Variants in HYAL4 observed in about 807,000 individuals in gnomAD.
The protein encoded by HYAL4 is hyaluronidase 4.
A neutral mutation model predicts 35.2 loss-of-function variants in HYAL4; 37 were observed. The ratio of observed to expected loss-of-function variants is 1.05; its 90% CI spans 0.81 to 1.38. HYAL4 has a LOEUF of 1.38. Ranked by LOEUF, HYAL4 falls within the 40% of genes most tolerant of loss-of-function variation. HYAL4 has a pLI of 0.00. For missense variants in HYAL4, 572 were observed against 572.4 expected, an observed-to-expected ratio of 1.00 and a Z score of 0.01; for synonymous variants, 198 against 203.2, an observed-to-expected ratio of 0.97 and a Z score of 0.22.
chr7:123,779,861 C>G, the HYAL4 span, among the ~76,000 whole-genome samples: 1 of 151,964 alleles, frequency 6.6e-6, no homozygotes, highest in Admixed American at 6.6e-5. Flanking sequence ...TACTCATTAT[C>G]TATTTATTTG....
At chr7:123,778,321 C>T in the HYAL4 span, among the ~76,000 whole-genome samples, 1 of 152,094 alleles carries the variant, frequency 6.6e-6, no homozygotes, top group Admixed American at 6.6e-5. Flanking sequence ...ATAAAACGAT[C>T]AATTTCATGA....
the HYAL4 span, among the ~76,000 whole-genome samples, chr7:123,765,843 A>C: frequency 6.6e-6 from 1 of 152,128 alleles, no homozygotes; most frequent in Non-Finnish European, 1.5e-5. Flanking sequence ...CTTCCTTAGT[A>C]AGAGAAACCA....
intron 2 of HYAL4, among the ~76,000 whole-genome samples, chr7:123,852,876 A>C (rs1015318696): frequency 1.2e-4 from 19 of 152,136 alleles, no homozygotes; most frequent in African/African-American, 4.6e-4. Flanking sequence ...CAAGCATGGA[A>C]TATTTTTCCA....
chr7:123,788,626 A>G, the HYAL4 span, among the ~76,000 whole-genome samples: 1 of 152,248 alleles, frequency 6.6e-6, no homozygotes, highest in Non-Finnish European at 1.5e-5. Flanking sequence ...TGAAAAGTAC[A>G]CACTGTTCAT....
chr7:123,851,178 T>G (rs924303426), intron 2 of HYAL4, among the ~76,000 whole-genome samples: 1 of 152,230 alleles, frequency 6.6e-6, no homozygotes, highest in Non-Finnish European at 1.5e-5. Context: ...AACAAATTAT[T>G]TAATGATCTT....
upstream of HYAL4, among the ~76,000 whole-genome samples, chr7:123,826,821 T>A (rs1006661580): frequency 6.6e-6 from 1 of 151,874 alleles, no homozygotes; most frequent in African/African-American, 2.4e-5. Context: ...GTAGCAAGGG[T>A]TGAATTCTGG....
the HYAL4 span, among the ~76,000 whole-genome samples, chr7:123,799,797 T>C: frequency 6.6e-6 from 1 of 152,216 alleles, no homozygotes; most frequent in Non-Finnish European, 1.5e-5. Flanking sequence ...AGGTCTCTTA[T>C]TTACTTCAAT....
At chr7:123,786,205 T>TA in the HYAL4 span, among the ~76,000 whole-genome samples, 1 of 152,176 alleles carries the variant, frequency 6.6e-6, no homozygotes, top group South Asian at 2.1e-4. Context: ...AGTCAATCAG[T>TA]AAAAAAATTT....
the HYAL4 span, among the ~76,000 whole-genome samples, chr7:123,810,328 G>GA: frequency 2.0e-3 from 300 of 147,152 alleles, 4 homozygotes; most frequent in East Asian, 0.011. Flanking sequence ...CAAGAAACTG[G>GA]AAAAAAAAAA....
intron 1 of HYAL4, among the ~76,000 whole-genome samples, chr7:123,833,664 T>C (rs1438967800): frequency 6.6e-6 from 1 of 152,170 alleles, no homozygotes; most frequent in Non-Finnish European, 1.5e-5. Flanking sequence ...CCTAAGTCAA[T>C]GTCTAGGAGG....
chr7:123,779,965 T>C, the HYAL4 span, among the ~76,000 whole-genome samples: 5 of 152,306 alleles, frequency 3.3e-5, no homozygotes, highest in Middle Eastern at 3.4e-3. Flanking sequence ...AGTAAAATTA[T>C]TGCATTTTTG....
chr7:123,870,455 G>A (rs915656188), intron 3 of HYAL4, among the ~76,000 whole-genome samples: 8 of 152,032 alleles, frequency 5.3e-5, no homozygotes, highest in African/African-American at 1.4e-4. Context: ...AGTCAGTACC[G>A]TCTGAAAGGT....
chr7:123,771,700 A>C, the HYAL4 span, among the ~76,000 whole-genome samples: 2 of 152,084 alleles, frequency 1.3e-5, no homozygotes, highest in Non-Finnish European at 2.9e-5. Context: ...CACTGGCCAC[A>C]GGGTGCCTAG....
the HYAL4 span, among the ~76,000 whole-genome samples, chr7:123,810,943 T>A: frequency 2.6e-5 from 4 of 152,222 alleles, no homozygotes; most frequent in Admixed American, 6.5e-5. Flanking sequence ...ACAGATAGTT[T>A]ATTTCACTTA....
At position 123,856,608 on chromosome 7, in the gene HYAL4, C is replaced by T. The variant is rs530684511; in HGVS notation, c.-52+8450C>T. On this transcript the variant is annotated intron_variant, in intron 2 of 4. Coordinates refer to ENST00000223026, the MANE Select transcript of HYAL4 (RefSeq NM_012269.3). ...CCTGCCAGATGCCAGCCAGAGCTCT[C>T]CTGTATGTCTGCTGACCCCTGCTGG... Among the ~76,000 whole-genome samples, 7 of 152,226 alleles carry T rather than the reference C, an allele frequency of 4.6e-5. No individual in the cohort carries two copies. The South Asian group carries it at 1.4e-3, about 32-fold the overall frequency.
intron 2 of HYAL4, among the ~76,000 whole-genome samples, chr7:123,857,329 C>G (rs1281641762): frequency 6.6e-6 from 1 of 152,180 alleles, no homozygotes; most frequent in Non-Finnish European, 1.5e-5. Context: ...CTGAGGGAAT[C>G]TCCTGGTCTG....
intron 2 of HYAL4, among the ~76,000 whole-genome samples, chr7:123,864,324 A>G (rs1315920737): frequency 6.6e-6 from 1 of 152,180 alleles, no homozygotes; most frequent in Non-Finnish European, 1.5e-5. Context: ...AGTCCTTCCT[A>G]TATATTCCCA....
chr7:123,797,399 A>G, the HYAL4 span, among the ~76,000 whole-genome samples: 1 of 152,254 alleles, frequency 6.6e-6, no homozygotes, highest in Admixed American at 6.5e-5. Flanking sequence ...TTTTAGTCAA[A>G]TAAAACTCCA....
intron 1 of HYAL4, among the ~76,000 whole-genome samples, chr7:123,847,384 T>C (rs1251729177): frequency 6.6e-6 from 1 of 152,226 alleles, no homozygotes; most frequent in African/African-American, 2.4e-5. Context: ...CCATTAGTTC[T>C]AGTAAATTCA....
Sources: allele counts gnomAD v4.1 joint callset (sites outside exome capture counted in the v4.1 genomes callset), GRCh38; gene constraint gnomAD v4.1.1; transcripts MANE v1.5; gene names NCBI Gene and HGNC (gene_info 2026-07-23, HGNC 2026-07-21).